The following UTS2 variants were observed in gnomAD, a reference collection of about 807,000 sequenced individuals.
The protein encoded by UTS2 is urotensin-2.
A neutral mutation model predicts 12.6 loss-of-function variants in UTS2; 10 were observed. The ratio of observed to expected loss-of-function variants is 0.80; its 90% confidence interval spans 0.49 to 1.35. UTS2 has a LOEUF of 1.35. Among genes scored for constraint, UTS2 ranks in the 40% most tolerant of loss-of-function variants. The pLI is 0.00. For synonymous variants in UTS2, 52 were observed against 50.0 expected (o/e 1.04, Z -0.17); for missense variants, 142 against 143.2 (o/e 0.99, Z 0.04).
chr1:7,913,026 T>G, the UTS2 span, among the ~76,000 whole-genome samples: 2 of 150,554 alleles, frequency 1.3e-5, no homozygotes, highest in African/African-American at 4.9e-5. Flanking sequence ...GAGGGCAAGT[T>G]CCTCTAACTC....
the UTS2 span, among the ~76,000 whole-genome samples, chr1:7,889,600 T>G: frequency 6.9e-6 from 1 of 144,534 alleles, no homozygotes; most frequent in Non-Finnish European, 1.5e-5. Context: ...AGGTCAGGAG[T>G]TTGAGACCAG....
chr1:7,864,034 G>A, the UTS2 span, among the ~76,000 whole-genome samples: 23,665 of 152,232 alleles, frequency 0.16, 2,017 homozygotes, highest in East Asian at 0.27. Flanking sequence ...AAGCGTCAGC[G>A]TGTCTCGAGG....
the UTS2 span, among the ~76,000 whole-genome samples, chr1:7,897,815 G>A: frequency 6.6e-6 from 1 of 152,098 alleles, no homozygotes; most frequent in African/African-American, 2.4e-5. Context: ...TCGAACTGCT[G>A]ACCTCAGGTG....
the UTS2 span, among the ~76,000 whole-genome samples, chr1:7,860,985 T>C: frequency 1.4e-5 from 2 of 142,960 alleles, no homozygotes; most frequent in African/African-American, 5.3e-5. Context: ...GAAGTTGCAC[T>C]GAGCCGAGAT....
In UTS2 at chr1:7,847,851, A is replaced by ATGTT. The variant is rs1283771434; in HGVS notation, c.286_289dup (p.Ile97LysfsTer19). On this transcript the variant is annotated frameshift_variant, in exon 4 of 4. Coordinates refer to ENST00000361696, the MANE Select transcript of UTS2 (RefSeq NM_006786.4). LOFTEE classifies it low-confidence loss of function (END_TRUNC). Reference sequence around the variant, plus strand: ...TCTGGCCAAAAGATGACTCAGTAAAATGTTAGGATCTTGTCCAGAGAAATC... The same window carrying ATGTT: ...TCTGGCCAAAAGATGACTCAGTAAAATGTTTGTTAGGATCTTGTCCAGAGAAATC... 1.2e-6 allele frequency: 2 copies of ATGTT among 1,613,830 alleles called. No homozygotes were observed. The highest frequency in any genetic ancestry group is 1.3e-5 in the African/African-American group (1 of 74,910).
intron 3 of UTS2, 146 bp from the exon 4 acceptor site, chr1:7,848,028 CAA>C (rs1435884870): frequency 3.1e-6 from 2 of 644,332 alleles, no homozygotes; most frequent in East Asian, 2.8e-5. Context: ...ATAATTGTAA[CAA>C]GAGTGTCCCG....
At chr1:7,906,495 G>GAAAGAAAGAA in the UTS2 span, among the ~76,000 whole-genome samples, 1 of 126,750 alleles carries the variant, frequency 7.9e-6, no homozygotes, top group Non-Finnish European at 1.7e-5. Context: ...AAGAAAGAAA[G>GAAAGAAAGAA]AAAGAAAGAA....
chr1:7,857,082 GGAAGGAAGGAAGGAAGAAAAGGAAT>G (rs1280228846), upstream of UTS2, among the ~76,000 whole-genome samples: 1 of 101,368 alleles, frequency 9.9e-6, no homozygotes, highest in African/African-American at 3.9e-5. Flanking sequence ...AGAGAGAGAG[GGAAGGAAGGAAGGAAGAAAAGGAAT>G]GAAGGAAGGA....
the UTS2 span, among the ~76,000 whole-genome samples, chr1:7,862,176 C>T: frequency 7.9e-5 from 12 of 151,738 alleles, no homozygotes; most frequent in African/African-American, 2.2e-4. Context: ...CCCGCAACTT[C>T]GGCCTCCCAA....
At chr1:7,876,259 C>T in the UTS2 span, among the ~76,000 whole-genome samples, 167 of 152,234 alleles carry the variant, frequency 1.1e-3, 1 homozygote, top group African/African-American at 3.8e-3. Context: ...GCTTACACCA[C>T]GGGGGATATT....
the UTS2 span, among the ~76,000 whole-genome samples, chr1:7,889,327 C>T: frequency 4.7e-5 from 7 of 150,204 alleles, no homozygotes; most frequent in Admixed American, 1.3e-4. Flanking sequence ...CTGTGGTCCC[C>T]GCTACTCAGG....
At chr1:7,905,059 G>A in the UTS2 span, among the ~76,000 whole-genome samples, 1 of 151,910 alleles carries the variant, frequency 6.6e-6, no homozygotes, top group African/African-American at 2.4e-5. Context: ...CCTTGGCTAG[G>A]CTATAGTACA....
chr1:7,862,985 G>GTATTGTATTGTATTGTATTTA, the UTS2 span, among the ~76,000 whole-genome samples: 3 of 73,790 alleles, frequency 4.1e-5, no homozygotes, highest in African/African-American at 2.5e-4. Context: ...TATTTATTGT[G>GTATTGTATTGTATTGTATTTA]TTGTGTTGTA....
chr1:7,860,570 CTAT>C, the UTS2 span, among the ~76,000 whole-genome samples: 2 of 151,996 alleles, frequency 1.3e-5, no homozygotes, highest in Admixed American at 6.6e-5. Context: ...TGTTTTATTT[CTAT>C]TATTATTATT....
chr1:7,856,682 G>A (rs1032196120), upstream of UTS2, among the ~76,000 whole-genome samples: 8 of 60,210 alleles, frequency 1.3e-4, no homozygotes, highest in Non-Finnish European at 2.6e-4. Context: ...TAACTCTTTC[G>A]ACAGATATTT....
chr1:7,863,050 ATTGTATTGTATTGTATTGTATT>A, the UTS2 span, among the ~76,000 whole-genome samples: 12 of 55,380 alleles, frequency 2.2e-4, no homozygotes, highest in African/African-American at 7.0e-4. Flanking sequence ...ATTGTATTGT[ATTGTATTGTATTGTATTGTATT>A]GTATTGTATT....
chr1:7,898,751 T>C, the UTS2 span, among the ~76,000 whole-genome samples: 1 of 152,040 alleles, frequency 6.6e-6, no homozygotes, highest in Admixed American at 6.6e-5. Context: ...TATAGAGTTA[T>C]ATGAAGGTTT....
chr1:7,887,747 C>T, the UTS2 span, among the ~76,000 whole-genome samples: 2 of 147,236 alleles, frequency 1.4e-5, no homozygotes, highest in African/African-American at 5.1e-5. Flanking sequence ...CAGAGCAAGA[C>T]CCTGTCTCTA....
At chr1:7,891,514 A>G in the UTS2 span, among the ~76,000 whole-genome samples, 1 of 136,830 alleles carries the variant, frequency 7.3e-6, no homozygotes, top group South Asian at 2.3e-4. Context: ...TGACAAAGCC[A>G]GACTCGATCT....
Sources: gnomAD v4.1 joint callset for allele counts (sites outside exome capture counted in the v4.1 genomes callset) on GRCh38, gnomAD v4.1.1 for gene constraint, MANE v1.5 for transcripts, NCBI Gene and HGNC (gene_info 2026-07-23, HGNC 2026-07-21) for gene names.